The following ADGRL2 variants were observed in gnomAD, a reference collection of about 807,000 sequenced individuals.
ADGRL2 encodes adhesion G protein-coupled receptor L2, also known as calcium-independent alpha-latrotoxin receptor 2.
Under a neutral mutation model 157.4 loss-of-function variants are expected in ADGRL2, and 44 were observed. The observed-to-expected ratio is 0.28, with a 90% CI of 0.22 to 0.36. ADGRL2 has a LOEUF of 0.36. Among genes scored for constraint, ADGRL2 ranks in the 10% least tolerant of loss-of-function variants. The probability of loss-of-function intolerance (pLI) is 1.00; values close to 1 mark genes in which losing one functional copy is unlikely to be tolerated. For synonymous variants in ADGRL2, 585 were observed against 624.7 expected, an observed-to-expected ratio of 0.94 and a Z score of 0.95; for missense variants, 1,510 against 1,768.9, an observed-to-expected ratio of 0.85 and a Z score of 2.63.
chr1:81,906,324 G>T (rs889284542), intron 2 of ADGRL2, among the ~76,000 whole-genome samples: 11 of 152,132 alleles, frequency 7.2e-5, no homozygotes, highest in African/African-American at 2.7e-4. Context: ...ATACCAGTAT[G>T]TCACCCAGTA....
intron 2 of ADGRL2, among the ~76,000 whole-genome samples, chr1:81,791,667 G>T (rs2087355628): frequency 6.6e-6 from 1 of 151,962 alleles, no homozygotes; most frequent in African/African-American, 2.4e-5. Flanking sequence ...AAAAAAAATA[G>T]ATACATATTA....
chr1:81,502,217 C>T (rs1288285702), intron 2 of ADGRL2: 5 of 1,603,906 alleles, frequency 3.1e-6, no homozygotes, highest in Non-Finnish European at 4.3e-6. Context: ...AGCACCAGGG[C>T]TCCCACCACA....
intron 2 of ADGRL2, among the ~76,000 whole-genome samples, chr1:81,473,220 C>T (rs1286212607): frequency 6.6e-6 from 1 of 152,004 alleles, no homozygotes; most frequent in South Asian, 2.1e-4. Context: ...TTGACTTTTG[C>T]GATTGTCTCA....
In ADGRL2 at chr1:81,907,291, A is replaced by G. The variant is rs1007721252; in HGVS notation, c.287+61A>G. 10 of 1,426,134 alleles carry G rather than the reference A, an allele frequency of 7.0e-6. No individual in the cohort carries two copies. In the African/African-American group the frequency reaches 1.1e-4, roughly 16 times the overall value. 88.3% of individuals were successfully genotyped at this position (1,426,134 alleles called of 1,614,324 possible). On this transcript the variant is annotated intron_variant, in intron 3 of 23. Transcript: ENST00000686636. ...TTGTATCCAAATTAGAAAAATTATT[A>G]CAGTTATTCCAAAGCGAATGGATAT...
At chr1:81,749,204 A>G (rs566144775) in intron 1 of ADGRL2, among the ~76,000 whole-genome samples, 40 of 152,078 alleles carry the variant, frequency 2.6e-4, no homozygotes, top group Non-Finnish European at 4.9e-4. Flanking sequence ...TTTGATTGCT[A>G]TCTTTCCAGA....
intron 2 of ADGRL2, among the ~76,000 whole-genome samples, chr1:81,480,008 CTT>C (rs1034346704): frequency 2.0e-5 from 3 of 152,102 alleles, no homozygotes; most frequent in African/African-American, 7.2e-5. Flanking sequence ...GGTAAGGAAA[CTT>C]AATTTCAGAC....
rs141803203 is a variant in ADGRL2, at chr1:81,655,804, T to G, written c.-143+74824T>G. Among the ~76,000 whole-genome samples the G allele has an allele frequency of 8.6e-4, 93 of 108,126 alleles. 2 individuals carry two copies. In the East Asian group the frequency reaches 0.028, roughly 33 times the overall value. 70.9% of individuals were successfully genotyped at this position (108,126 alleles called of 152,430 possible). On this transcript the variant is annotated intron_variant, in intron 3 of 24. Transcript: ENST00000370721. Reference sequence around the variant, plus strand: ...CTCCCTCCGCCCAAATGGACATATATCGTATGGCTCTTATGTGTGTGTGTG... The same window carrying G: ...CTCCCTCCGCCCAAATGGACATATAGCGTATGGCTCTTATGTGTGTGTGTG...
chr1:81,887,880 C>G (rs1475199264), intron 2 of ADGRL2, among the ~76,000 whole-genome samples: 1 of 151,994 alleles, frequency 6.6e-6, no homozygotes, highest in African/African-American at 2.4e-5. Flanking sequence ...ATTGTCAGGC[C>G]CAGAAAATAC....
Position 81,907,062 on chromosome 1 carries a change from T to G in ADGRL2, c.119T>G (p.Leu40Ter). 6.2e-7 allele frequency: 1 copy of G among 1,614,130 alleles called. No individual in the cohort carries two copies. The part of the protein sequence containing the change: ...ALPFGLVRRE[L>*]SCEGYSIDLR... ...CCATTTGGGCTGGTGAGGCGAGAATTATCCTGTGAAGGTTATTCTATAGAT... is the reference window on the plus strand; with the variant it reads ...CCATTTGGGCTGGTGAGGCGAGAATGATCCTGTGAAGGTTATTCTATAGAT... The change falls in exon 3 of 24, where the codon TTA (leucine) becomes TGA (stop). Residue 40 changes from leucine (L) to a stop codon, truncating the protein, a stop_gained. Coordinates refer to ENST00000686636, the MANE Select transcript of ADGRL2 (RefSeq NM_001366006.2). LOFTEE classifies it high-confidence loss of function.
rs769758814 is a variant in ADGRL2 at position 81,992,495 on chromosome 1, A to C, written c.*1350A>C. 6.6e-6 allele frequency: 1 copy of C among 152,572 alleles called. No individual in the cohort carries two copies. Among genetic ancestry groups the C allele is most frequent in the Non-Finnish European group, 1.5e-5 (1 of 68,044 alleles). The allele number at this position is 152,572 out of a possible 1,614,324, so 9.5% of individuals were successfully genotyped here. On this transcript the variant is annotated 3_prime_UTR_variant, in exon 24 of 24. Transcript: ENST00000686636. Reference sequence around the variant, plus strand: ...GTTGGTCCATTCCCACCTTGGTTTAAGTAACGTCATACCAAAGTCCATGGA... The same window carrying C: ...GTTGGTCCATTCCCACCTTGGTTTACGTAACGTCATACCAAAGTCCATGGA...
At chr1:81,459,015 G>A (rs1220709725) in intron 2 of ADGRL2, among the ~76,000 whole-genome samples, 2 of 152,184 alleles carry the variant, frequency 1.3e-5, no homozygotes, top group Non-Finnish European at 2.9e-5. Context: ...GGGGATCTGA[G>A]AGTGGGTAAC....
intron 2 of ADGRL2, among the ~76,000 whole-genome samples, chr1:81,550,847 T>G (rs1570468950): frequency 6.6e-6 from 1 of 152,156 alleles, no homozygotes; most frequent in East Asian, 1.9e-4. Context: ...AAAAATTCAT[T>G]ACTGCCTATA....
chr1:81,920,205 G>T (rs1185182121), intron 3 of ADGRL2, among the ~76,000 whole-genome samples: 2 of 152,112 alleles, frequency 1.3e-5, no homozygotes, highest in South Asian at 2.1e-4. Context: ...GCCTGTTAAG[G>T]TTCACTGCTC....
intron 1 of ADGRL2, among the ~76,000 whole-genome samples, chr1:81,802,133 G>C (rs1315582861): frequency 6.6e-6 from 1 of 150,770 alleles, no homozygotes; most frequent in Non-Finnish European, 1.5e-5. Flanking sequence ...GGCCGGCCTC[G>C]GCCCTCTCCG....
intron 3 of ADGRL2, among the ~76,000 whole-genome samples, chr1:81,934,018 T>C (rs750186879): frequency 2.6e-5 from 4 of 152,120 alleles, no homozygotes; most frequent in Non-Finnish European, 4.4e-5. Context: ...GAATATTTTT[T>C]ATATTTTGGG....
intron 11 of ADGRL2, among the ~76,000 whole-genome samples, chr1:81,962,633 C>A (rs1049122428): frequency 2.0e-5 from 3 of 152,074 alleles, no homozygotes; most frequent in East Asian, 3.9e-4. Flanking sequence ...TGATAAACCT[C>A]TGCCTTTTAC....
At chr1:81,757,542 T>C (rs998395167) in intron 1 of ADGRL2, among the ~76,000 whole-genome samples, 16 of 152,138 alleles carry the variant, frequency 1.1e-4, no homozygotes, top group African/African-American at 3.9e-4. Flanking sequence ...CTGTAACCAA[T>C]CCAGCTGTTT....
At chr1:81,663,869 G>A (rs547275302) in intron 3 of ADGRL2, among the ~76,000 whole-genome samples, 1 of 152,240 alleles carries the variant, frequency 6.6e-6, no homozygotes, top group South Asian at 2.1e-4. Flanking sequence ...ATGATTTATA[G>A]ACTTTTTCAA....
intron 1 of ADGRL2, among the ~76,000 whole-genome samples, chr1:81,803,816 T>C (rs952154284): frequency 2.6e-5 from 4 of 152,162 alleles, no homozygotes; most frequent in African/African-American, 9.7e-5. Flanking sequence ...TCTCTTCCCC[T>C]TTCCAGAGGC....
Sources: allele counts gnomAD v4.1 joint callset (sites outside exome capture counted in the v4.1 genomes callset), GRCh38; gene constraint gnomAD v4.1.1; transcripts MANE v1.5; gene names NCBI Gene and HGNC (gene_info 2026-07-23, HGNC 2026-07-21).